Variants in ASTN2 observed in about 807,000 individuals in gnomAD.
ASTN2 encodes astrotactin 2, also known as astrotactin-2.
In ASTN2, 54 loss-of-function variants were observed where a neutral mutation model predicts 139.8. The observed-to-expected ratio is 0.39, with a 90% CI of 0.31 to 0.48. The LOEUF is 0.48. Ranked by LOEUF, ASTN2 falls within the 20% of genes least tolerant of loss-of-function variation. The pLI is 0.95. For synonymous variants in ASTN2, 756 were observed against 719.5 expected (o/e 1.05, Z -0.81); for missense variants, 1,565 against 1,725.1 (o/e 0.91, Z 1.64).
chr9:116,687,150 C>A, intron 16 of ASTN2: 1 of 1,074,452 alleles, frequency 9.3e-7, no homozygotes, highest in Non-Finnish European at 1.1e-6. Context: ...GATTACGTGT[C>A]GCTAAGGCCC....
intron 1 of ASTN2, among the ~76,000 whole-genome samples, chr9:117,408,940 A>G (rs1831084136): frequency 6.6e-6 from 1 of 152,152 alleles, no homozygotes; most frequent in Non-Finnish European, 1.5e-5. Flanking sequence ...GTGAGTGGAA[A>G]AGAGTAGAAG....
chr9:117,001,309 A>T (rs1311129582), intron 7 of ASTN2, among the ~76,000 whole-genome samples: 1 of 152,198 alleles, frequency 6.6e-6, no homozygotes, highest in Non-Finnish European at 1.5e-5. Flanking sequence ...CAAGACCTAA[A>T]TATACATAGG....
intron 22 of ASTN2, among the ~76,000 whole-genome samples, chr9:116,428,491 T>C (rs1847382012): frequency 6.6e-6 from 1 of 150,710 alleles, no homozygotes; most frequent in Admixed American, 6.6e-5. Context: ...GCCACTGCAC[T>C]CCAGCCTGGG....
intron 10 of ASTN2, among the ~76,000 whole-genome samples, chr9:116,944,443 G>A (rs929412943): frequency 5.9e-5 from 9 of 152,038 alleles, no homozygotes; most frequent in African/African-American, 2.2e-4. Context: ...CACTTTGGGA[G>A]GCCGAGGCAG....
At chr9:117,280,009 A>G (rs1289053676) in intron 2 of ASTN2, among the ~76,000 whole-genome samples, 2 of 152,044 alleles carry the variant, frequency 1.3e-5, no homozygotes, top group Non-Finnish European at 2.9e-5. Flanking sequence ...AGGATCCCAC[A>G]TTGCATTTAG....
intron 4 of ASTN2, among the ~76,000 whole-genome samples, chr9:117,111,515 C>A (rs1564430757): frequency 6.6e-6 from 1 of 151,658 alleles, no homozygotes; most frequent in Non-Finnish European, 1.5e-5. Flanking sequence ...TTTCCAACTC[C>A]CCAATCTGAG....
At chr9:116,513,624 C>G (rs1320090965) in intron 19 of ASTN2, among the ~76,000 whole-genome samples, 2 of 152,238 alleles carry the variant, frequency 1.3e-5, no homozygotes, top group Non-Finnish European at 2.9e-5. Context: ...CTCCCTGTCA[C>G]TTTCAGGTAC....
At chr9:116,957,276 C>T (rs185035908) in intron 10 of ASTN2, among the ~76,000 whole-genome samples, 42 of 152,234 alleles carry the variant, frequency 2.8e-4, no homozygotes, top group Admixed American at 2.5e-3. Flanking sequence ...CACATACATA[C>T]ACACACTTTT....
intron 6 of ASTN2, among the ~76,000 whole-genome samples, chr9:117,035,929 A>G (rs181556805): frequency 2.0e-5 from 3 of 152,308 alleles, no homozygotes; most frequent in Non-Finnish European, 2.9e-5. Flanking sequence ...TTAGTTTTCT[A>G]TATTTTCTTG....
chr9:116,487,346 C>G lies in ASTN2; in HGVS notation c.3497+13G>C. The stretch of plus-strand genomic sequence containing the variant: ...GTCTGCCTCATGATCCCCACACACC[C>G]AACACATCTTACTTGTAGAGACCGT... On this transcript the variant is annotated intron_variant, in intron 20 of 22. Coordinates refer to ENST00000313400, the MANE Select transcript of ASTN2 (RefSeq NM_001365068.1). The G allele has an allele frequency of 6.2e-7, 1 of 1,613,352 alleles. No individual in the cohort carries two copies. The highest frequency in any genetic ancestry group is 8.5e-7 in the Non-Finnish European group (1 of 1,179,626).
chr9:116,830,152 C>T (rs766315414), intron 11 of ASTN2, among the ~76,000 whole-genome samples: 6 of 152,092 alleles, frequency 3.9e-5, no homozygotes, highest in Admixed American at 6.6e-5. Context: ...ACAAATAACC[C>T]CATTAAAAAT....
chr9:117,096,210 C>T (rs971376772), intron 4 of ASTN2, 59 bp from the exon 5 acceptor site: 1 of 1,361,154 alleles, frequency 7.3e-7, no homozygotes, highest in Middle Eastern at 1.8e-4. Flanking sequence ...TTGTGAGATT[C>T]CTCAACCATC....
chr9:117,203,614 C>T (rs529295432), intron 3 of ASTN2, among the ~76,000 whole-genome samples: 10 of 152,050 alleles, frequency 6.6e-5, no homozygotes, highest in East Asian at 5.9e-4. Flanking sequence ...GTCCTTCTTC[C>T]GTAGAGCTGC....
At chr9:117,241,888 C>A (rs552828745) in intron 2 of ASTN2, among the ~76,000 whole-genome samples, 1 of 151,494 alleles carries the variant, frequency 6.6e-6, no homozygotes, top group South Asian at 2.1e-4. Context: ...CAATTGTCAC[C>A]ATCCAAAAAT....
chr9:116,812,770 A>T (rs1322303110), intron 12 of ASTN2, among the ~76,000 whole-genome samples: 1 of 152,012 alleles, frequency 6.6e-6, no homozygotes, highest in Non-Finnish European at 1.5e-5. Context: ...GGAGCTCAAG[A>T]CGTGTGTGTG....
intron 10 of ASTN2, among the ~76,000 whole-genome samples, chr9:116,894,304 G>C (rs192581123): frequency 8.5e-5 from 13 of 152,148 alleles, no homozygotes; most frequent in African/African-American, 3.1e-4. Context: ...TGAAAGACTT[G>C]TAAGTACCTA....
At chr9:117,404,725 A>C (rs1226878012) in intron 1 of ASTN2, among the ~76,000 whole-genome samples, 1 of 152,118 alleles carries the variant, frequency 6.6e-6, no homozygotes, top group Non-Finnish European at 1.5e-5. Flanking sequence ...CACCCTGATC[A>C]TTTCCCAAAA....
chr9:116,482,035 A>G (rs979456572), intron 20 of ASTN2, among the ~76,000 whole-genome samples: 2 of 152,174 alleles, frequency 1.3e-5, no homozygotes, highest in Non-Finnish European at 2.9e-5. Context: ...GGCCAAAAAT[A>G]ACACTACCCG....
At chr9:116,686,774 C>T in intron 16 of ASTN2, 2 of 1,550,634 alleles carry the variant, frequency 1.3e-6, no homozygotes, top group East Asian at 4.9e-5. Flanking sequence ...GCTGAGTAGG[C>T]AAAACATTCC....
Sources: allele counts gnomAD v4.1 joint callset (sites outside exome capture counted in the v4.1 genomes callset), GRCh38; gene constraint gnomAD v4.1.1; transcripts MANE v1.5; gene names NCBI Gene and HGNC (gene_info 2026-07-23, HGNC 2026-07-21).